CECR2: variants seen among roughly 807,000 people sequenced by gnomAD.
CECR2 encodes CECR2 histone acetyl-lysine reader, also known as chromatin remodeling regulator CECR2.
In CECR2, 30 loss-of-function variants were observed where a neutral mutation model predicts 154.5. The ratio of observed to expected loss-of-function variants is 0.19; its 90% CI spans 0.15 to 0.26. The LOEUF (loss-of-function observed/expected upper bound fraction) is 0.26, where lower values mean the gene tolerates loss of function less well. Ranked by LOEUF, CECR2 falls within the 10% of genes least tolerant of loss-of-function variation. The pLI is 1.00. For synonymous variants in CECR2, 725 were observed against 683.7 expected, an observed-to-expected ratio of 1.06 and a Z score of -0.94; for missense variants, 1,743 against 1,829.3, an observed-to-expected ratio of 0.95 and a Z score of 0.86.
chr22:17,377,716 C>A (rs1414480509), intron 1 of CECR2, among the ~76,000 whole-genome samples: 1 of 152,216 alleles, frequency 6.6e-6, no homozygotes, highest in Non-Finnish European at 1.5e-5. Flanking sequence ...TTGCATATTT[C>A]ATGGGATGCT....
At chr22:17,455,985 G>A (rs1429234979) in intron 1 of CECR2, among the ~76,000 whole-genome samples, 4 of 152,152 alleles carry the variant, frequency 2.6e-5, no homozygotes, top group Non-Finnish European at 5.9e-5. Context: ...GCTCAACTGA[G>A]GAGGGATCAG....
intron 1 of CECR2, among the ~76,000 whole-genome samples, chr22:17,410,942 AG>A (rs1449297310): frequency 6.6e-6 from 1 of 152,240 alleles, no homozygotes; most frequent in African/African-American, 2.4e-5. Context: ...ATAGTTTTAC[AG>A]ATGAGGATGT....
chr22:17,539,645 C>T (rs1427080401), intron 13 of CECR2, among the ~76,000 whole-genome samples: 1 of 151,676 alleles, frequency 6.6e-6, no homozygotes, highest in Non-Finnish European at 1.5e-5. Flanking sequence ...TGCACATGTA[C>T]CCTAGAACTT....
intron 1 of CECR2, among the ~76,000 whole-genome samples, chr22:17,421,295 C>G (rs1387350645): frequency 1.3e-5 from 2 of 151,480 alleles, no homozygotes; most frequent in Non-Finnish European, 2.9e-5. Flanking sequence ...ATAGTGAAAC[C>G]CCGTCTCTAC....
Position 17,467,325 on chromosome 22 carries a change from A to G in CECR2, c.127-10263A>G, listed in dbSNP as rs577530026. On this transcript the variant is annotated intron_variant, in intron 1 of 18. Transcript: ENST00000262608. Reference sequence around the variant, plus strand: ...TCGGAACACGTGTGAGATCTCTCTCAGCTGGGTGACTCGCTTTGAGGAACG... The same window carrying G: ...TCGGAACACGTGTGAGATCTCTCTCGGCTGGGTGACTCGCTTTGAGGAACG... Among the ~76,000 whole-genome samples, 16 of 152,244 alleles carry G rather than the reference A, an allele frequency of 1.1e-4. No individual in the cohort carries two copies. In the East Asian group the frequency reaches 2.9e-3, roughly 28 times the overall value.
intron 17 of CECR2, among the ~76,000 whole-genome samples, chr22:17,550,931 G>T (rs1039382349): frequency 6.6e-6 from 1 of 151,798 alleles, no homozygotes; most frequent in Non-Finnish European, 1.5e-5. Context: ...AACAGAGCAA[G>T]ACTCTGTCTC....
At chr22:17,360,443 A>G (rs1222603358) in intron 1 of CECR2, among the ~76,000 whole-genome samples, 1 of 152,206 alleles carries the variant, frequency 6.6e-6, no homozygotes, top group African/African-American at 2.4e-5. Flanking sequence ...GCACTTTGAG[A>G]GGCCGAGGCC....
chr22:17,491,906 C>T (rs1383247363), intron 2 of CECR2, among the ~76,000 whole-genome samples: 1 of 152,130 alleles, frequency 6.6e-6, no homozygotes, highest in Non-Finnish European at 1.5e-5. Flanking sequence ...TTTGAAATAA[C>T]CATGATTTTA....
Position 17,548,432 on chromosome 22 carries a change from A to G in CECR2, c.3145A>G (p.Arg1049Gly). 2 of 1,614,002 alleles carry G rather than the reference A, an allele frequency of 1.2e-6. No homozygotes were observed. Among genetic ancestry groups the G allele is most frequent in the Non-Finnish European group, 1.7e-6 (2 of 1,179,882 alleles). ...GAGAGACCTCTCCACGGTGGCAGACAGGGGCGCTCTATCCGAGAACGGAGT... is the reference window on the plus strand; with the variant it reads ...GAGAGACCTCTCCACGGTGGCAGACGGGGGCGCTCTATCCGAGAACGGAGT... ...CVRDLSTVADRGALSENGVIG... is the reference protein window; with the variant it reads ...CVRDLSTVADGGALSENGVIG... Residue 1049 changes from arginine to glycine, a missense_variant, in exon 17 of 19, where the codon AGG becomes GGG. Transcript: ENST00000262608.
chr22:17,461,858 C>T (rs2054943847), intron 1 of CECR2, among the ~76,000 whole-genome samples: 1 of 149,918 alleles, frequency 6.7e-6, no homozygotes, highest in Non-Finnish European at 1.5e-5. Context: ...AATGGCACAA[C>T]CTTGGCTCAC....
chr22:17,496,020 T>C (rs1179709014), intron 2 of CECR2, among the ~76,000 whole-genome samples: 1 of 152,000 alleles, frequency 6.6e-6, no homozygotes, highest in Non-Finnish European at 1.5e-5. Flanking sequence ...GGAAAAAATA[T>C]ATTTAACACA....
chr22:17,514,253 G>A (rs1457879483), intron 8 of CECR2, among the ~76,000 whole-genome samples: 1 of 152,182 alleles, frequency 6.6e-6, no homozygotes, highest in Non-Finnish European at 1.5e-5. Flanking sequence ...GCTGTTGCTA[G>A]GGAGCTGTTT....
At chr22:17,448,378 T>C (rs2054712022) in intron 1 of CECR2, among the ~76,000 whole-genome samples, 1 of 152,208 alleles carries the variant, frequency 6.6e-6, no homozygotes, top group African/African-American at 2.4e-5. Context: ...GTAAATATAA[T>C]TAATATAATT....
At chr22:17,479,905 G>A (rs1235665184) in intron 2 of CECR2, among the ~76,000 whole-genome samples, 1 of 151,408 alleles carries the variant, frequency 6.6e-6, no homozygotes. Context: ...GCTCAGGACA[G>A]GACTGTGCCA....
intron 1 of CECR2, among the ~76,000 whole-genome samples, chr22:17,471,587 T>C (rs1233415664): frequency 6.6e-6 from 1 of 152,190 alleles, no homozygotes; most frequent in Non-Finnish European, 1.5e-5. Context: ...CAGGTTAGAA[T>C]GCAGTGGGTG....
At chr22:17,447,052 T>TTTTTTTTTTTTG (rs2054681607) in intron 1 of CECR2, among the ~76,000 whole-genome samples, 1 of 147,874 alleles carries the variant, frequency 6.8e-6, no homozygotes, top group South Asian at 2.2e-4. Flanking sequence ...TTTTTTTTTT[T>TTTTTTTTTTTTG]GAGACAGAGT....
chr22:17,412,181 T>G (rs1397851770), intron 1 of CECR2, among the ~76,000 whole-genome samples: 1 of 152,202 alleles, frequency 6.6e-6, no homozygotes, highest in Non-Finnish European at 1.5e-5. Context: ...GCATGTCAAA[T>G]AAACAATGAT....
chr22:17,473,966 G>C (rs2055168429), intron 1 of CECR2, among the ~76,000 whole-genome samples: 1 of 152,176 alleles, frequency 6.6e-6, no homozygotes, highest in East Asian at 1.9e-4. Flanking sequence ...TGTTTTGATA[G>C]AACATTCTTC....
upstream of CECR2, among the ~76,000 whole-genome samples, chr22:17,366,051 G>A (rs2063000398): frequency 6.6e-6 from 1 of 152,148 alleles, no homozygotes; most frequent in South Asian, 2.1e-4. Flanking sequence ...TTGATTCAAA[G>A]GGGATTATGG....
Sources: gnomAD v4.1 joint callset for allele counts (sites outside exome capture counted in the v4.1 genomes callset) on GRCh38, gnomAD v4.1.1 for gene constraint, MANE v1.5 for transcripts, NCBI Gene and HGNC (gene_info 2026-07-23, HGNC 2026-07-21) for gene names.